PLPPR5: variants seen among roughly 807,000 people sequenced by gnomAD.
PLPPR5 encodes the protein phospholipid phosphatase-related protein type 5.
PLPPR5 carries 16 observed loss-of-function variants against 33.9 expected under a neutral mutation model. The ratio of observed to expected loss-of-function variants is 0.47; its 90% CI spans 0.32 to 0.72. The LOEUF is 0.72. Ranked by LOEUF, PLPPR5 falls within the 30% of genes least tolerant of loss-of-function variation. PLPPR5 has a pLI of 0.03. For synonymous variants in PLPPR5, 163 were observed against 150.3 expected, an observed-to-expected ratio of 1.08 and a Z score of -0.62; for missense variants, 301 against 406.7, an observed-to-expected ratio of 0.74 and a Z score of 2.23.
intron 1 of PLPPR5, among the ~76,000 whole-genome samples, chr1:99,003,378 A>G (rs1228121225): frequency 6.6e-6 from 1 of 151,904 alleles, no homozygotes; most frequent in Non-Finnish European, 1.5e-5. Flanking sequence ...ACTGAAAATA[A>G]AACTTCATTC....
rs191484778 is a variant in PLPPR5, at chr1:98,936,575, A to G, written c.622-14517T>C. Among the ~76,000 whole-genome samples, 591 of 152,338 alleles carry G rather than the reference A, an allele frequency of 3.9e-3. 1 individual carries two copies. Among genetic ancestry groups the G allele is most frequent in the Non-Finnish European group, 7.0e-3 (475 of 68,022 alleles). On this transcript the variant is annotated intron_variant, in intron 3 of 5. Coordinates refer to ENST00000263177, the MANE Select transcript of PLPPR5 (RefSeq NM_001037317.2). ...ATCTCCAACTATGGGATTGCTTAAAAGTTTTCCCAGTTGAGACTGGAGTGG... is the reference window on the plus strand; with the variant it reads ...ATCTCCAACTATGGGATTGCTTAAAGGTTTTCCCAGTTGAGACTGGAGTGG...
At chr1:98,940,527 C>T (rs1309810299) in intron 3 of PLPPR5, among the ~76,000 whole-genome samples, 2 of 151,870 alleles carry the variant, frequency 1.3e-5, no homozygotes, top group African/African-American at 4.8e-5. Flanking sequence ...TTGTATAGCA[C>T]ACGTAGGAGT....
chr1:98,913,965 C>T (rs1276116284), intron 5 of PLPPR5, among the ~76,000 whole-genome samples: 1 of 152,168 alleles, frequency 6.6e-6, no homozygotes, highest in African/African-American at 2.4e-5. Flanking sequence ...GCATTCAGCC[C>T]AATGGAGTCT....
intron 3 of PLPPR5, among the ~76,000 whole-genome samples, chr1:98,939,266 T>C (rs999122889): frequency 3.9e-5 from 6 of 151,968 alleles, no homozygotes; most frequent in African/African-American, 1.4e-4. Flanking sequence ...CACATAGTTA[T>C]TACTGAAAAT....
intron 1 of PLPPR5, among the ~76,000 whole-genome samples, chr1:98,979,331 A>G (rs972786218): frequency 6.6e-6 from 1 of 152,082 alleles, no homozygotes. Flanking sequence ...TTTTGGTTGC[A>G]TGACTGTGAG....
intron 1 of PLPPR5, among the ~76,000 whole-genome samples, chr1:98,987,541 CCA>C (rs1652301630): frequency 1.3e-5 from 2 of 151,814 alleles, no homozygotes; most frequent in Non-Finnish European, 2.9e-5. Context: ...GTCCTTTTGT[CCA>C]CAGTTAATTG....
At chr1:98,913,240 A>T (rs1274685072) in intron 5 of PLPPR5, among the ~76,000 whole-genome samples, 1 of 152,228 alleles carries the variant, frequency 6.6e-6, no homozygotes, top group Non-Finnish European at 1.5e-5. Flanking sequence ...ATAATCCATG[A>T]TGTTGAGTAC....
intron 1 of PLPPR5, among the ~76,000 whole-genome samples, chr1:98,982,934 C>A (rs1344314028): frequency 6.6e-6 from 1 of 151,996 alleles, no homozygotes; most frequent in Non-Finnish European, 1.5e-5. Flanking sequence ...GACATTTGAC[C>A]TTGGATTAGG....
intron 1 of PLPPR5, chr1:99,004,218 C>T (rs1270167989): frequency 5.4e-6 from 3 of 552,636 alleles, no homozygotes; most frequent in Non-Finnish European, 9.6e-6. Context: ...GAAGCCACCG[C>T]GGGGTGTGGG....
chr1:98,897,924 T>C (rs76194246), intron 5 of PLPPR5, among the ~76,000 whole-genome samples: 2 of 151,862 alleles, frequency 1.3e-5, no homozygotes, highest in African/African-American at 2.4e-5. Context: ...TAGTTACTTA[T>C]AAAAGCCACA....
intron 1 of PLPPR5, among the ~76,000 whole-genome samples, chr1:99,000,993 T>TG (rs1159711484): frequency 1.3e-5 from 2 of 152,168 alleles, no homozygotes; most frequent in Non-Finnish European, 2.9e-5. Context: ...TGAACTCTTA[T>TG]GGAGTATCAA....
intron 1 of PLPPR5, among the ~76,000 whole-genome samples, chr1:98,959,059 A>C (rs1372532372): frequency 6.6e-6 from 1 of 152,228 alleles, no homozygotes; most frequent in Non-Finnish European, 1.5e-5. Context: ...AAAAACCGTC[A>C]GCTTCAATAG....
intron 3 of PLPPR5, among the ~76,000 whole-genome samples, chr1:98,948,787 G>A (rs1272575230): frequency 6.6e-6 from 1 of 152,164 alleles, no homozygotes. Flanking sequence ...TTAGCTGAAT[G>A]TGTCATGTGA....
chr1:98,973,842 T>C (rs1303319244), intron 1 of PLPPR5, among the ~76,000 whole-genome samples: 3 of 145,564 alleles, frequency 2.1e-5, no homozygotes. Context: ...AAGATCCAAG[T>C]GAGGTGCCGG....
At chr1:98,994,741 T>C (rs1197679136) in intron 1 of PLPPR5, among the ~76,000 whole-genome samples, 1 of 152,174 alleles carries the variant, frequency 6.6e-6, no homozygotes, top group Non-Finnish European at 1.5e-5. Flanking sequence ...GCTATCTGCA[T>C]GTTAATTACC....
chr1:98,994,212 G>C (rs1190158177), intron 1 of PLPPR5, among the ~76,000 whole-genome samples: 1 of 151,822 alleles, frequency 6.6e-6, no homozygotes, highest in Non-Finnish European at 1.5e-5. Flanking sequence ...GGAAAGAAGG[G>C]GGAAATGAAG....
At chr1:98,972,994 G>A (rs994227223) in intron 1 of PLPPR5, among the ~76,000 whole-genome samples, 2 of 152,078 alleles carry the variant, frequency 1.3e-5, no homozygotes, top group Non-Finnish European at 2.9e-5. Context: ...CAATCACGAG[G>A]GGAGTCAGCC....
intron 1 of PLPPR5, among the ~76,000 whole-genome samples, chr1:98,988,038 T>C (rs1652319098): frequency 6.6e-6 from 1 of 152,072 alleles, no homozygotes; most frequent in Non-Finnish European, 1.5e-5. Flanking sequence ...GCAGTAAGAG[T>C]ATGTTCTGCT....
chr1:98,938,386 AT>A (rs1363186523), intron 3 of PLPPR5, among the ~76,000 whole-genome samples: 1 of 149,878 alleles, frequency 6.7e-6, no homozygotes, highest in African/African-American at 2.4e-5. Context: ...TGTACAAATA[AT>A]TAAGCAGCCT....
Sources: gnomAD v4.1 joint callset for allele counts (sites outside exome capture counted in the v4.1 genomes callset) on GRCh38, gnomAD v4.1.1 for gene constraint, MANE v1.5 for transcripts, NCBI Gene and HGNC (gene_info 2026-07-23, HGNC 2026-07-21) for gene names.